Variants in PTPRG observed in about 807,000 individuals in gnomAD.
PTPRG encodes protein tyrosine phosphatase receptor type G, also known as receptor-type tyrosine-protein phosphatase gamma.
Under a neutral mutation model 165.3 loss-of-function variants are expected in PTPRG, and 102 were observed. The observed-to-expected ratio is 0.62, with a 90% CI of 0.53 to 0.73. The LOEUF is 0.73. PTPRG is among the 30% of genes least tolerant of loss of function. The pLI, the probability that PTPRG is intolerant of heterozygous loss-of-function variation, is 0.00. For missense variants in PTPRG, 1,866 were observed against 1,861.4 expected (o/e 1.00, Z -0.05); for synonymous variants, 675 against 669.5 (o/e 1.01, Z -0.13).
chr3:62,151,013 A>G (rs1282689471), intron 6 of PTPRG, among the ~76,000 whole-genome samples: 1 of 152,234 alleles, frequency 6.6e-6, no homozygotes, highest in African/African-American at 2.4e-5. Context: ...GGCTATTAAC[A>G]TACCAAGAAA....
chr3:62,218,540 C>T (rs1167082040), intron 12 of PTPRG, among the ~76,000 whole-genome samples: 2 of 152,134 alleles, frequency 1.3e-5, no homozygotes, highest in Non-Finnish European at 2.9e-5. Context: ...TCTTCTGGGT[C>T]GGTCATGTTC....
chr3:61,620,153 G>A (rs571562588), intron 1 of PTPRG, among the ~76,000 whole-genome samples: 5 of 151,830 alleles, frequency 3.3e-5, no homozygotes, highest in Non-Finnish European at 5.9e-5. Context: ...CCTGCCCTAC[G>A]TGACTGGACG....
At chr3:61,830,636 G>A (rs187412995) in intron 2 of PTPRG, among the ~76,000 whole-genome samples, 4 of 135,846 alleles carry the variant, frequency 2.9e-5, no homozygotes, top group Non-Finnish European at 4.6e-5. Flanking sequence ...GTGCAATGCC[G>A]TGATCTCGGT....
intron 2 of PTPRG, among the ~76,000 whole-genome samples, chr3:61,832,711 T>C (rs2036332428): frequency 6.6e-6 from 1 of 152,162 alleles, no homozygotes; most frequent in Non-Finnish European, 1.5e-5. Context: ...TTATTTCTAG[T>C]TTGTATTTCA....
intron 4 of PTPRG, among the ~76,000 whole-genome samples, chr3:62,054,167 A>G (rs1404550271): frequency 2.0e-5 from 3 of 152,148 alleles, no homozygotes; most frequent in Admixed American, 6.5e-5. Flanking sequence ...TGTAGTCCCA[A>G]TTGTTAGACT....
intron 2 of PTPRG, among the ~76,000 whole-genome samples, chr3:61,752,558 C>T (rs185846398): frequency 5.8e-4 from 88 of 151,864 alleles, no homozygotes; most frequent in African/African-American, 2.0e-3. Flanking sequence ...TTTGGGAGGC[C>T]GAGGCGGGCA....
chr3:62,085,633 G>C (rs549439759), intron 5 of PTPRG, among the ~76,000 whole-genome samples: 2 of 152,218 alleles, frequency 1.3e-5, no homozygotes, highest in East Asian at 3.9e-4. Context: ...GTTAGCTTCT[G>C]TGTGTTTTAG....
chr3:61,939,088 G>A (rs916895237), intron 2 of PTPRG, among the ~76,000 whole-genome samples: 1 of 152,190 alleles, frequency 6.6e-6, no homozygotes, highest in Non-Finnish European at 1.5e-5. Flanking sequence ...GGGTACAGGC[G>A]CGATGTCCAC....
At chr3:61,575,312 T>C (rs553664863) in intron 1 of PTPRG, among the ~76,000 whole-genome samples, 7 of 152,248 alleles carry the variant, frequency 4.6e-5, no homozygotes, top group South Asian at 2.1e-4. Context: ...ATAAATCTTA[T>C]ATGCCTTGGA....
At chr3:61,972,826 A>G (rs2040415045) in intron 2 of PTPRG, among the ~76,000 whole-genome samples, 1 of 144,486 alleles carries the variant, frequency 6.9e-6, no homozygotes, top group Admixed American at 6.9e-5. Context: ...CTAATTTTTA[A>G]TTTTTTTTTT....
At chr3:61,762,649 C>G (rs1630840) in intron 2 of PTPRG, among the ~76,000 whole-genome samples, 105,092 of 151,938 alleles carry the variant, frequency 0.69, 37,161 homozygotes, top group Non-Finnish European at 0.78. Context: ...AGCAATATTA[C>G]TAGGATTTTT....
At chr3:61,742,789 T>C (rs3817451) in intron 1 of PTPRG, 201,433 of 1,609,886 alleles carry the variant, frequency 0.13, 17,308 homozygotes, top group East Asian at 0.5. Flanking sequence ...AAACGCATCA[T>C]ACTTCTTGGC....
chr3:62,279,498 G>A (rs1576216388), intron 26 of PTPRG, among the ~76,000 whole-genome samples: 1 of 151,910 alleles, frequency 6.6e-6, no homozygotes, highest in South Asian at 2.1e-4. Context: ...GGAAATTAAG[G>A]TTCAGATTAA....
chr3:61,963,636 C>A (rs1184146143), intron 2 of PTPRG, among the ~76,000 whole-genome samples: 1 of 152,094 alleles, frequency 6.6e-6, no homozygotes, highest in East Asian at 1.9e-4. Context: ...TCTGTTGTAT[C>A]AAGTATAAAT....
At chr3:62,061,575 T>C (rs1374435594) in intron 4 of PTPRG, among the ~76,000 whole-genome samples, 1 of 152,156 alleles carries the variant, frequency 6.6e-6, no homozygotes, top group Non-Finnish European at 1.5e-5. Flanking sequence ...TTAACCCCTT[T>C]GCTAACTAGC....
In PTPRG at chr3:61,650,461, G is replaced by A. The variant is rs376432692; in HGVS notation, c.85+88089G>A. 5.9e-5 allele frequency among the ~76,000 whole-genome samples: 9 copies of A among 152,266 alleles called. No homozygotes were observed. In the East Asian group the frequency reaches 1.7e-3, roughly 29 times the overall value. On this transcript the variant is annotated intron_variant, in intron 1 of 29. Transcript: ENST00000474889. ...AAGAGCTCATAAGAGATTGAGTCCC[G>A]GCCAGGAGAAGGGAAACTTGGCACC...
intron 2 of PTPRG, among the ~76,000 whole-genome samples, chr3:61,767,971 CAA>C (rs35466366): frequency 3.1e-4 from 32 of 104,150 alleles, no homozygotes; most frequent in African/African-American, 5.5e-4. Context: ...GACCCTGTCT[CAA>C]AAAAAAAAAA....
At position 62,003,387 on chromosome 3, in the gene PTPRG, G is replaced by C; in HGVS notation, c.409G>C (p.Ala137Pro). The change falls in exon 4 of 30, where the codon GCT becomes CCT. Residue 137 changes from alanine to proline, a missense_variant. Physicochemically the swap from Ala to Pro is conservative, Grantham distance 27. This residue lies in a region of PTPRG where 408 missense variants were observed against 376.2 expected (regional missense o/e 1.08). Transcript: ENST00000474889. The part of the protein sequence containing the change: ...LLKDDYFVSG[A>P]GLPGRFKAEK... ...GAAAGACGACTATTTTGTCAGTGGA[G>C]CTGGTCTACCTGGCAGATTCAAAGC... The C allele has an allele frequency of 1.2e-6, 2 of 1,614,064 alleles. No individual in the cohort carries two copies. The highest frequency in any genetic ancestry group is 1.7e-6 in the Non-Finnish European group (2 of 1,179,940).
intron 4 of PTPRG, among the ~76,000 whole-genome samples, chr3:62,037,964 A>C (rs1337174109): frequency 2.6e-5 from 4 of 152,136 alleles, no homozygotes; most frequent in Non-Finnish European, 4.4e-5. Context: ...CAATCTACGA[A>C]TTTCAGGGGA....
Sources: gnomAD v4.1 joint callset for allele counts (sites outside exome capture counted in the v4.1 genomes callset) on GRCh38, gnomAD v4.1.1 for gene constraint, gnomAD v4.1.1 regional missense constraint, MANE v1.5 for transcripts, NCBI Gene and HGNC (gene_info 2026-07-23, HGNC 2026-07-21) for gene names.